HS1BP3: variants seen among roughly 807,000 people sequenced by gnomAD.
HS1BP3 encodes the protein HCLS1-binding protein 3.
A neutral mutation model predicts 33.5 loss-of-function variants in HS1BP3; 32 were observed. The observed-to-expected ratio is 0.95, with a 90% CI of 0.72 to 1.28. The LOEUF (loss-of-function observed/expected upper bound fraction) is 1.28, where lower values mean the gene tolerates loss of function less well. HS1BP3 is among the 50% of genes most tolerant of loss of function. The pLI is 0.00. For missense variants in HS1BP3, 486 were observed against 502.3 expected (o/e 0.97, Z 0.31); for synonymous variants, 187 against 209.2 (o/e 0.89, Z 0.92).
In HS1BP3 at chr2:20,619,123, G is replaced by C. The variant is rs35579164; in HGVS notation, c.1043C>G (p.Pro348Arg). ...CACAGCTTCAGCCGGGCCCGCTTTG[G>C]GGGGAACAGCTGGTTTTCTGGGTAT... ...PVIPRKPAVPPKAGPAEAVAG... is the reference protein window; with the variant it reads ...PVIPRKPAVPRKAGPAEAVAG... The change falls in exon 7 of 7, where the codon CCC becomes CGC. Residue 348 changes from proline to arginine, a missense_variant. Physicochemically the swap from Pro to Arg is moderately radical, Grantham distance 103. Transcript: ENST00000304031. 69,686 of 1,614,160 alleles carry C rather than the reference G, an allele frequency of 0.043. 1,796 individuals carry two copies. Among genetic ancestry groups the C allele is most frequent in the Non-Finnish European group, 0.051 (60,692 of 1,179,992 alleles).
intron 1 of HS1BP3, among the ~76,000 whole-genome samples, chr2:20,646,507 C>A (rs1695524177): frequency 6.6e-6 from 1 of 152,272 alleles, no homozygotes; most frequent in Middle Eastern, 3.2e-3. Flanking sequence ...ACGCTGCTGT[C>A]ACCAACTGGT....
intron 5 of HS1BP3, among the ~76,000 whole-genome samples, chr2:20,567,437 C>T (rs960232996): frequency 3.9e-5 from 6 of 152,142 alleles, no homozygotes; most frequent in Admixed American, 2.0e-4. Context: ...CAGGAGGGCC[C>T]GGCCCCAAGT....
chr2:20,636,091 G>A (rs993330638), intron 4 of HS1BP3: 1 of 152,280 alleles, frequency 6.6e-6, no homozygotes, highest in African/African-American at 2.4e-5. Flanking sequence ...GGCAGGGCAA[G>A]CTGGGAAACG....
chr2:20,629,166 C>G (rs934600), intron 4 of HS1BP3, among the ~76,000 whole-genome samples: 151,618 of 152,298 alleles, frequency 1, 75,471 homozygotes, highest in Non-Finnish European at 1. Flanking sequence ...AATTCCATGA[C>G]AGGTGCGTCA....
intron 2 of HS1BP3, among the ~76,000 whole-genome samples, chr2:20,599,381 G>C (rs765520122): frequency 1.7e-4 from 26 of 152,228 alleles, no homozygotes; most frequent in Admixed American, 1.1e-3. Context: ...AGCTGCCTGG[G>C]CTCGTGCCCA....
intron 4 of HS1BP3, among the ~76,000 whole-genome samples, chr2:20,627,060 G>T (rs760809937): frequency 2.0e-5 from 3 of 152,168 alleles, no homozygotes; most frequent in African/African-American, 4.8e-5. Flanking sequence ...GGAATTCCAC[G>T]GTCAGCCAGG....
Position 20,644,423 on chromosome 2 carries a change from G to C in HS1BP3, c.198+917C>G, listed in dbSNP as rs528723030. Among the ~76,000 whole-genome samples the C allele has an allele frequency of 1.7e-4, 26 of 152,222 alleles. 1 individual carries two copies. The South Asian group carries it at 4.6e-3, about 27-fold the overall frequency. On this transcript the variant is annotated intron_variant, in intron 2 of 6. Coordinates refer to ENST00000304031, the MANE Select transcript of HS1BP3 (RefSeq NM_022460.4). Reference sequence around the variant, plus strand: ...CCCAGATTTTTAATATCACCTCCAAGTTGATGACTCCCAAGCCTACATCTC... The same window carrying C: ...CCCAGATTTTTAATATCACCTCCAACTTGATGACTCCCAAGCCTACATCTC...
intron 4 of HS1BP3, among the ~76,000 whole-genome samples, chr2:20,628,384 G>A (rs1307052017): frequency 2.0e-5 from 3 of 152,150 alleles, no homozygotes; most frequent in Non-Finnish European, 4.4e-5. Context: ...AATAAAATAT[G>A]AAAAGTGCTT....
rs539552309 is a variant in HS1BP3, at chr2:20,579,267, C to T, written c.303-18752G>A. Among the ~76,000 whole-genome samples the T allele has an allele frequency of 2.2e-4, 34 of 152,340 alleles. No homozygotes were observed. In the East Asian group the frequency reaches 5.8e-3, roughly 26 times the overall value. On this transcript the variant is annotated intron_variant, in intron 5 of 5. Transcript: ENST00000446825. The stretch of plus-strand genomic sequence containing the variant: ...TCCATCCGAGCTGGCTGAGGGTTGG[C>T]GGCAGCTGCCCAGCATCTATAGGGT...
At chr2:20,629,771 C>G (rs894527965) in intron 4 of HS1BP3, among the ~76,000 whole-genome samples, 1 of 152,226 alleles carries the variant, frequency 6.6e-6, no homozygotes. Context: ...GGCAGACAGA[C>G]GCGCAGACCA....
At chr2:20,627,105 C>T (rs1005509385) in intron 4 of HS1BP3, among the ~76,000 whole-genome samples, 2 of 152,248 alleles carry the variant, frequency 1.3e-5, no homozygotes, top group African/African-American at 4.8e-5. Flanking sequence ...GCTTCTCTCC[C>T]CTTCATTCCC....
chr2:20,554,821 A>C, the HS1BP3 span, among the ~76,000 whole-genome samples: 1 of 151,970 alleles, frequency 6.6e-6, no homozygotes, highest in Non-Finnish European at 1.5e-5. Context: ...CTTTGGCTAC[A>C]TTTACCTTAG....
At chr2:20,612,395 T>C (rs910201742) in intron 2 of HS1BP3, among the ~76,000 whole-genome samples, 2 of 152,244 alleles carry the variant, frequency 1.3e-5, no homozygotes, top group Non-Finnish European at 1.5e-5. Flanking sequence ...ACTTATCAAA[T>C]TGTGCAACCA....
chr2:20,610,913 A>G (rs779509914), intron 2 of HS1BP3, among the ~76,000 whole-genome samples: 1 of 152,174 alleles, frequency 6.6e-6, no homozygotes, highest in Non-Finnish European at 1.5e-5. Context: ...GCACACTTCC[A>G]TCACTCCCAA....
At chr2:20,557,602 A>G (rs138287598), downstream of HS1BP3, among the ~76,000 whole-genome samples, 33 of 152,308 alleles carry the variant, frequency 2.2e-4, no homozygotes, top group African/African-American at 7.7e-4. Flanking sequence ...TCCTTTATCT[A>G]CTATCAGGAG....
At chr2:20,613,194 G>A (rs895202522), downstream of HS1BP3, among the ~76,000 whole-genome samples, 2 of 152,220 alleles carry the variant, frequency 1.3e-5, no homozygotes, top group Non-Finnish European at 2.9e-5. Context: ...AATCAGCAAA[G>A]TGGCGATAAC....
chr2:20,628,244 G>C (rs1482694280), intron 4 of HS1BP3, among the ~76,000 whole-genome samples: 2 of 152,186 alleles, frequency 1.3e-5, no homozygotes, highest in Non-Finnish European at 2.9e-5. Context: ...CAAAGATGAG[G>C]ACGAGCCGCC....
intron 5 of HS1BP3, among the ~76,000 whole-genome samples, chr2:20,562,384 C>G (rs993001624): frequency 5.9e-5 from 9 of 152,262 alleles, no homozygotes; most frequent in African/African-American, 1.9e-4. Context: ...GAGGCTGAGG[C>G]AGGATGATCA....
Position 20,638,639 on chromosome 2 carries a change from T to C in HS1BP3, c.420A>G (p.Pro140=), listed in dbSNP as rs1695241592. 6.2e-7 allele frequency: 1 copy of C among 1,613,490 alleles called. No homozygotes were observed. The highest frequency in any genetic ancestry group is 1.3e-5 in the African/African-American group (1 of 74,896). ...CTCTGCTGGTGAGCCCTGCAGCCCC[T>C]GGGGATCTGGTACCTGTGGAGGAAG... ...ELLEFLGTRS[P]GAAGLTSRDS... Residue 140 remains proline, a synonymous_variant, in exon 4 of 7, where the codon CCA becomes CCG. Transcript: ENST00000304031.
Sources: allele counts gnomAD v4.1 joint callset (sites outside exome capture counted in the v4.1 genomes callset), GRCh38; gene constraint gnomAD v4.1.1; transcripts MANE v1.5; gene names NCBI Gene and HGNC (gene_info 2026-07-23, HGNC 2026-07-21).